DTD1: variants seen among roughly 807,000 people sequenced by gnomAD.
DTD1 encodes D-tyrosyl-tRNA deacylase 1 homolog.
In DTD1, 13 loss-of-function variants were observed where a neutral mutation model predicts 25.6. That is an observed-to-expected ratio of 0.51 (90% CI 0.33 to 0.81). The LOEUF (loss-of-function observed/expected upper bound fraction) is 0.81, where lower values mean the gene tolerates loss of function less well. DTD1 is among the 30% of genes least tolerant of loss of function. The pLI is 0.02. For missense variants in DTD1, 193 were observed against 266.4 expected, an observed-to-expected ratio of 0.72 and a Z score of 1.92; for synonymous variants, 110 against 103.6, an observed-to-expected ratio of 1.06 and a Z score of -0.37.
intron 1 of DTD1, among the ~76,000 whole-genome samples, chr20:18,590,009 G>T (rs941248613): frequency 6.6e-6 from 1 of 152,172 alleles, no homozygotes; most frequent in Non-Finnish European, 1.5e-5. Context: ...TTAAAATGTG[G>T]CTGGTTTCAC....
At chr20:18,631,699 G>A in intron 4 of DTD1, 2 of 985,408 alleles carry the variant, frequency 2.0e-6, no homozygotes, top group Non-Finnish European at 2.4e-6. Context: ...TGTTTCCCAG[G>A]ACGTCATTCT....
At chr20:18,675,267 A>G (rs2060965849) in intron 4 of DTD1, 1 of 152,240 alleles carries the variant, frequency 6.6e-6, no homozygotes, top group Non-Finnish European at 1.5e-5. Context: ...GAAGTCCCAT[A>G]CTGTCATTTC....
At position 18,738,552 on chromosome 20, in the gene DTD1, G is replaced by A. The variant is rs148614414; in HGVS notation, c.478-5548G>A. Among the ~76,000 whole-genome samples, 715 of 152,260 alleles carry A rather than the reference G, an allele frequency of 4.7e-3. 4 individuals are homozygous for A. The highest frequency in any genetic ancestry group is 0.016 in the African/African-American group (668 of 41,542). ...GAGAGCTGCACCATTCCGAAGCTCC[G>A]TTTCCTCCCCTGACTATGGCCAAGG... On this transcript the variant is annotated intron_variant, in intron 4 of 5. Transcript: ENST00000377452.
chr20:18,690,829 C>CT (rs1568670342), intron 4 of DTD1, among the ~76,000 whole-genome samples: 1 of 152,018 alleles, frequency 6.6e-6, no homozygotes, highest in African/African-American at 2.4e-5. Flanking sequence ...TACTTGGGCT[C>CT]TTTTTTGGTT....
chr20:18,628,988 A>ATTT (rs10594706), intron 4 of DTD1, among the ~76,000 whole-genome samples: 13 of 71,558 alleles, frequency 1.8e-4, no homozygotes, highest in African/African-American at 5.3e-4. Context: ...TCAAAGCCTG[A>ATTT]TTTTTTTTTT....
chr20:18,727,323 G>A (rs1278711301), intron 4 of DTD1, among the ~76,000 whole-genome samples: 1 of 152,162 alleles, frequency 6.6e-6, no homozygotes, highest in Non-Finnish European at 1.5e-5. Flanking sequence ...AGGCATGAAT[G>A]TAGGCTTGGG....
At chr20:18,659,713 T>G (rs1156481997) in intron 4 of DTD1, among the ~76,000 whole-genome samples, 2 of 151,822 alleles carry the variant, frequency 1.3e-5, no homozygotes, top group Non-Finnish European at 2.9e-5. Flanking sequence ...TGAGAACACA[T>G]GGACACAGAG....
At position 18,697,627 on chromosome 20, in the gene DTD1, G is replaced by A. The variant is rs188936152; in HGVS notation, c.478-46473G>A. Among the ~76,000 whole-genome samples the A allele has an allele frequency of 2.7e-3, 404 of 152,284 alleles. 5 individuals are homozygous for A. Among genetic ancestry groups the A allele is most frequent in the African/African-American group, 9.0e-3 (376 of 41,550 alleles). Reference sequence around the variant, plus strand: ...TCGTGTCTGTTCTCAAAAAATTTTGGGTTTTGGAAGATTTTGGATTTCAGA... The same window carrying A: ...TCGTGTCTGTTCTCAAAAAATTTTGAGTTTTGGAAGATTTTGGATTTCAGA... On this transcript the variant is annotated intron_variant, in intron 4 of 5. Transcript: ENST00000377452.
intron 3 of DTD1, 142 bp from the exon 4 acceptor site, chr20:18,627,985 C>T (rs988995988): frequency 4.6e-6 from 3 of 655,214 alleles, no homozygotes; most frequent in Non-Finnish European, 7.6e-6. Context: ...AACTGTGAGT[C>T]CGTTAAACCT....
intron 4 of DTD1, among the ~76,000 whole-genome samples, chr20:18,693,299 A>G (rs1211934063): frequency 6.6e-6 from 1 of 152,206 alleles, no homozygotes; most frequent in Admixed American, 6.5e-5. Context: ...ACTTTTATGT[A>G]AATGAAGAGA....
At chr20:18,613,432 C>A (rs1397576137) in intron 3 of DTD1, among the ~76,000 whole-genome samples, 1 of 152,174 alleles carries the variant, frequency 6.6e-6, no homozygotes, top group Non-Finnish European at 1.5e-5. Context: ...TAGCAGAACA[C>A]CAAAGTCCTG....
chr20:18,664,856 G>A (rs1266951868), intron 4 of DTD1, among the ~76,000 whole-genome samples: 1 of 152,090 alleles, frequency 6.6e-6, no homozygotes, highest in Non-Finnish European at 1.5e-5. Flanking sequence ...GGCATCTAGA[G>A]CTAGGTTAGG....
chr20:18,686,057 C>T (rs1372690425), intron 4 of DTD1, among the ~76,000 whole-genome samples: 1 of 152,226 alleles, frequency 6.6e-6, no homozygotes, highest in African/African-American at 2.4e-5. Context: ...CCTGGTTCTG[C>T]ACCTGCTAAA....
At chr20:18,631,202 C>A (rs1211762276) in intron 4 of DTD1, 2 of 985,366 alleles carry the variant, frequency 2.0e-6, no homozygotes, top group Non-Finnish European at 1.2e-6. Flanking sequence ...CTGAGTCCAG[C>A]CTCTCCCTGG....
chr20:18,613,374 C>T (rs11906242), intron 3 of DTD1, among the ~76,000 whole-genome samples: 3,430 of 152,186 alleles, frequency 0.023, 142 homozygotes, highest in African/African-American at 0.079. Flanking sequence ...TCCTGCTCTG[C>T]GAAACTGTTG....
In DTD1 at chr20:18,764,974, G is replaced by A. The variant is rs2061375509; in HGVS notation, c.*1634G>A. 6.6e-6 allele frequency: 1 copy of A among 152,216 alleles called. No homozygotes were observed. Among genetic ancestry groups the A allele is most frequent in the Non-Finnish European group, 1.5e-5 (1 of 68,044 alleles). The allele number at this position is 152,216 out of a possible 1,614,324, so 9.4% of individuals were successfully genotyped here. On this transcript the variant is annotated 3_prime_UTR_variant, in exon 6 of 6. Coordinates refer to ENST00000377452, the MANE Select transcript of DTD1 (RefSeq NM_080820.6). Reference sequence around the variant, plus strand: ...GCCACCAATTAATGCTTATTGAACAGTTGCAGCCTGTCCTTGTAGTAAGGG... The same window carrying A: ...GCCACCAATTAATGCTTATTGAACAATTGCAGCCTGTCCTTGTAGTAAGGG...
rs117904035 is a variant in DTD1, at chr20:18,724,027, A to G, written c.478-20073A>G. Among the ~76,000 whole-genome samples the G allele has an allele frequency of 1.2e-4, 18 of 152,324 alleles. No individual in the cohort carries two copies. In the East Asian group the frequency reaches 3.3e-3, roughly 28 times the overall value. ...AGGCATTGCGTGGAGACACACAGCA[A>G]TGATCAAAGGCGGAAAAGGGAATGT... is the stretch of plus-strand genomic sequence containing the variant. On this transcript the variant is annotated intron_variant, in intron 4 of 5. Coordinates refer to ENST00000377452, the MANE Select transcript of DTD1 (RefSeq NM_080820.6).
intron 3 of DTD1, among the ~76,000 whole-genome samples, chr20:18,622,389 C>G (rs756012639): frequency 1.3e-5 from 2 of 152,132 alleles, no homozygotes; most frequent in African/African-American, 2.4e-5. Context: ...AGTTACCTGA[C>G]TGCAGGAAAA....
chr20:18,679,451 G>A (rs188084761), intron 4 of DTD1, among the ~76,000 whole-genome samples: 80 of 152,324 alleles, frequency 5.3e-4, no homozygotes, highest in African/African-American at 1.9e-3. Flanking sequence ...CTGGGAACTT[G>A]AGATACATTT....
Sources: allele counts gnomAD v4.1 joint callset (sites outside exome capture counted in the v4.1 genomes callset), GRCh38; gene constraint gnomAD v4.1.1; transcripts MANE v1.5; gene names NCBI Gene and HGNC (gene_info 2026-07-23, HGNC 2026-07-21).